Variants in INTS2 observed in about 807,000 individuals in gnomAD.
The protein encoded by INTS2 is integrator complex subunit 2, also known as KIAA1287.
INTS2 carries 57 observed loss-of-function variants against 139.6 expected under a neutral mutation model. That is an observed-to-expected ratio of 0.41 (90% CI 0.33 to 0.51). INTS2 has a LOEUF of 0.51. Among genes scored for constraint, INTS2 ranks in the 20% least tolerant of loss-of-function variants. The probability of loss-of-function intolerance (pLI) is 0.28; values close to 1 mark genes in which losing one functional copy is unlikely to be tolerated. For missense variants in INTS2, 1,196 were observed against 1,436.7 expected (o/e 0.83, Z 2.71); for synonymous variants, 473 against 493.4 (o/e 0.96, Z 0.55).
chr17:61,926,266 C>A, intron 2 of INTS2, 86 bp downstream of exon 2: 2 of 1,089,896 alleles, frequency 1.8e-6, no homozygotes, highest in Non-Finnish European at 2.7e-6. Flanking sequence ...GATTCTCATT[C>A]TCTCTTTTCT....
At chr17:61,915,886 T>C (rs1220708838) in intron 5 of INTS2, among the ~76,000 whole-genome samples, 5 of 150,564 alleles carry the variant, frequency 3.3e-5, no homozygotes, top group Non-Finnish European at 5.9e-5. Flanking sequence ...AGCTCATGGA[T>C]TGGAAGAATC....
chr17:61,881,871 A>AC (rs1189534301), intron 16 of INTS2, among the ~76,000 whole-genome samples: 2 of 152,138 alleles, frequency 1.3e-5, no homozygotes, highest in African/African-American at 4.8e-5. Flanking sequence ...ACTTTCTTCC[A>AC]CCCCACCCAA....
chr17:61,898,033 G>C (rs1266987883), intron 9 of INTS2, among the ~76,000 whole-genome samples: 1 of 152,016 alleles, frequency 6.6e-6, no homozygotes, highest in Non-Finnish European at 1.5e-5. Flanking sequence ...AGAAAACAAA[G>C]GCCCCTTGGG....
In INTS2 at chr17:61,908,473, A is replaced by C. The variant is rs560393924; in HGVS notation, c.955-839T>G. Among the ~76,000 whole-genome samples, 85 of 152,306 alleles carry C rather than the reference A, an allele frequency of 5.6e-4. 2 individuals carry two copies. In the South Asian group the frequency reaches 0.018, roughly 32 times the overall value. On this transcript the variant is annotated intron_variant, in intron 7 of 24. Transcript: ENST00000251334. Reference sequence around the variant, plus strand: ...CACTACAGTTCTTCAGGCAGGGACAATGCCTTAGTCTTCTCTCACTCTGCA... The same window carrying C: ...CACTACAGTTCTTCAGGCAGGGACACTGCCTTAGTCTTCTCTCACTCTGCA...
chr17:61,894,348 T>C lies in INTS2; in HGVS notation c.1564-449A>G, dbSNP rs528678961. On this transcript the variant is annotated intron_variant, in intron 12 of 24. Coordinates refer to ENST00000251334, the MANE Select transcript of INTS2 (RefSeq NM_001351695.2). ...ACATAAATATAAACAGAAATATTTA[T>C]TCTCAATATGTCATGCATAGGCTCT... Among the ~76,000 whole-genome samples, 8 of 152,330 alleles carry C rather than the reference T, an allele frequency of 5.3e-5. No homozygotes were observed. The South Asian group carries it at 1.7e-3, about 32-fold the overall frequency.
chr17:61,907,874 T>G (rs925481477), intron 7 of INTS2, among the ~76,000 whole-genome samples: 9 of 152,184 alleles, frequency 5.9e-5, no homozygotes, highest in Admixed American at 2.0e-4. Flanking sequence ...TAGTGACAAT[T>G]TGAATTGTGG....
chr17:61,922,213 G>A (rs1370783481), intron 3 of INTS2, among the ~76,000 whole-genome samples: 1 of 152,102 alleles, frequency 6.6e-6, no homozygotes, highest in East Asian at 1.9e-4. Context: ...GCTGACGCCT[G>A]TAATCCCAGC....
In INTS2 at chr17:61,873,588, GTTAT is replaced by G. The variant is rs1169739258; in HGVS notation, c.2583-1132_2583-1129del. Among the ~76,000 whole-genome samples, 1 of 152,060 alleles carries G rather than the reference GTTAT, an allele frequency of 6.6e-6. No individual in the cohort carries two copies. Among genetic ancestry groups the G allele is most frequent in the Non-Finnish European group, 1.5e-5 (1 of 67,988 alleles). ...CAAGAAACAGCTCTTTTCTAGAAGT[GTTAT>G]TTATTGTGGTTTCCTTTTATTAGAT... On this transcript the variant is annotated intron_variant, in intron 19 of 24. Transcript: ENST00000251334. The surrounding 1 kb of genome is among the most constrained non-coding windows in gnomAD (Gnocchi z 4.0).
intron 13 of INTS2, among the ~76,000 whole-genome samples, chr17:61,892,896 G>A (rs1432576757): frequency 6.9e-6 from 1 of 145,058 alleles, no homozygotes; most frequent in African/African-American, 2.6e-5. Flanking sequence ...GGAGGTTGCA[G>A]TGAGCTGAGA....
At chr17:61,919,781 T>G (rs1454993375) in intron 4 of INTS2, among the ~76,000 whole-genome samples, 1 of 152,092 alleles carries the variant, frequency 6.6e-6, no homozygotes, top group Non-Finnish European at 1.5e-5. Flanking sequence ...CAGGCTACAG[T>G]GCAGTGGTGT....
intron 3 of INTS2, among the ~76,000 whole-genome samples, chr17:61,923,753 C>T (rs1043063887): frequency 2.0e-4 from 31 of 152,122 alleles, no homozygotes; most frequent in Non-Finnish European, 4.4e-4. Flanking sequence ...AATCTCGGCT[C>T]ACCACAACCT....
At chr17:61,922,416 C>T (rs2079651342) in intron 3 of INTS2, among the ~76,000 whole-genome samples, 1 of 139,486 alleles carries the variant, frequency 7.2e-6, no homozygotes, top group Non-Finnish European at 1.5e-5. Flanking sequence ...TGCAGTGAGC[C>T]GAGATAGCAC....
chr17:61,893,771 T>C lies in INTS2; in HGVS notation c.1692A>G (p.Ser564=). 2 of 1,581,592 alleles carry C rather than the reference T, an allele frequency of 1.3e-6. No individual in the cohort carries two copies. Among genetic ancestry groups the C allele is most frequent in the Non-Finnish European group, 1.7e-6 (2 of 1,162,226 alleles). Residue 564 remains serine (S), a synonymous_variant, in exon 13 of 25, where the codon TCA becomes TCG. Transcript: ENST00000251334. This position sits in a 1 kb window ranked among gnomAD's most constrained non-coding sequence, Gnocchi z 5.4. ...RSRSFTKHKV[S]IKDWIYRQLC... is the part of the protein sequence containing the mutation. ...TTTATTTGTAGGGGCATACTTTTAT[T>C]GACACTTTGTGCTTGGTAAAGGAAC... is the stretch of plus-strand genomic sequence containing the variant.
rs1298831889 is a variant in INTS2 at position 61,911,788 on chromosome 17, ACTC to A, written c.781-98_781-96del. On this transcript the variant is annotated intron_variant, in intron 6 of 24. Transcript: ENST00000251334. ...AAAGTATCTAAAGTTTAGAGGAAGAACTCCTACAAAACATAAAAACCCAGAGAG... is the reference window on the plus strand; with the variant it reads ...AAAGTATCTAAAGTTTAGAGGAAGAACTACAAAACATAAAAACCCAGAGAG... 2.8e-6 allele frequency: 4 copies of A among 1,437,470 alleles called. No homozygotes were observed. The African/African-American group carries it at 4.3e-5, about 15-fold the overall frequency. 89.0% of individuals were successfully genotyped at this position (1,437,470 alleles called of 1,614,324 possible). A position where few individuals can be genotyped will look rare whatever the true frequency, so the allele number is the denominator to read the frequency against.
At chr17:61,922,512 AT>A (rs2079655211) in intron 3 of INTS2, among the ~76,000 whole-genome samples, 2 of 1,034 alleles carry the variant, frequency 1.9e-3, no homozygotes, top group Non-Finnish European at 4.5e-3. Context: ...ACAAACAAAC[AT>A]ATATATATAT....
Position 61,895,287 on chromosome 17 carries a change from A to G in INTS2, c.1563+28T>C, listed in dbSNP as rs561085659. ...AAAGAATATTGTAAAAGAAAGTTAA[A>G]TAAGTACCTAAGAATAAAAAGAAAT... is the stretch of plus-strand genomic sequence containing the variant. On this transcript the variant is annotated intron_variant, in intron 12 of 24. Transcript: ENST00000251334. 13 of 1,333,546 alleles carry G rather than the reference A, an allele frequency of 9.7e-6. No homozygotes were observed. In the East Asian group the frequency reaches 1.5e-4, roughly 15 times the overall value. The allele number at this position is 1,333,546 out of a possible 1,614,324, so 82.6% of individuals were successfully genotyped here.
chr17:61,885,095 CA>C (rs1255550472), intron 15 of INTS2, 90 bp from the exon 16 acceptor site: 2 of 841,180 alleles, frequency 2.4e-6, no homozygotes, highest in African/African-American at 3.5e-5. Context: ...AAAACAAAGT[CA>C]AATTACTTTT....
intron 14 of INTS2, among the ~76,000 whole-genome samples, chr17:61,891,034 C>T (rs915407937): frequency 6.7e-6 from 1 of 149,010 alleles, no homozygotes; most frequent in African/African-American, 2.5e-5. Flanking sequence ...TGACTCACAC[C>T]TGTAATCCCA....
In INTS2 at chr17:61,878,035, A is replaced by G. The variant is rs569579012; in HGVS notation, c.2308T>C (p.Leu770=). 6.2e-6 allele frequency: 10 copies of G among 1,613,072 alleles called. No individual in the cohort carries two copies. The South Asian group carries it at 7.7e-5, about 12-fold the overall frequency. The part of the protein sequence containing the change: ...NTQVMQIIEH[L]TLLSASELIP... ...AGTTCACTGGCAGAGAGTAGAGTCA[A>G]GTGTTCTATAATCTGCATCACTTGT... The change falls in exon 18 of 25, where the codon TTG becomes CTG. Residue 770 remains leucine, a synonymous_variant. Coordinates refer to ENST00000251334, the MANE Select transcript of INTS2 (RefSeq NM_001351695.2).
Sources: gnomAD v4.1 joint callset for allele counts (sites outside exome capture counted in the v4.1 genomes callset) on GRCh38, gnomAD v4.1.1 for gene constraint, Gnocchi (gnomAD v3.1) non-coding constraint, MANE v1.5 for transcripts, NCBI Gene and HGNC (gene_info 2026-07-23, HGNC 2026-07-21) for gene names.